Variants in PHF14 observed in about 807,000 individuals in gnomAD.
PHF14 encodes PHD finger protein 14.
Under a neutral mutation model 117.9 loss-of-function variants are expected in PHF14, and 55 were observed. That is an observed-to-expected ratio of 0.47 (90% CI 0.38 to 0.58). PHF14 has a LOEUF of 0.58. Among genes scored for constraint, PHF14 ranks in the 20% least tolerant of loss-of-function variants. PHF14 has a pLI of 0.00. For synonymous variants in PHF14, 409 were observed against 368.6 expected (o/e 1.11, Z -1.26); for missense variants, 978 against 1,122.2 (o/e 0.87, Z 1.84).
intron 16 of PHF14, among the ~76,000 whole-genome samples, chr7:11,086,581 C>T (rs1011458341): frequency 2.6e-5 from 4 of 151,976 alleles, no homozygotes; most frequent in African/African-American, 7.3e-5. Context: ...ATTCCAGGTC[C>T]GAAGCCAATG....
intron 2 of PHF14, among the ~76,000 whole-genome samples, chr7:10,977,082 T>C (rs1007649420): frequency 1.2e-4 from 18 of 152,112 alleles, no homozygotes; most frequent in African/African-American, 4.1e-4. Flanking sequence ...TAGATTACCA[T>C]TGTTTTCCAT....
At chr7:11,119,298 G>A (rs1414536226) in intron 17 of PHF14, among the ~76,000 whole-genome samples, 2 of 151,642 alleles carry the variant, frequency 1.3e-5, no homozygotes, top group African/African-American at 2.4e-5. Flanking sequence ...TAAGATAAAG[G>A]ACATTTTATT....
At chr7:11,047,586 A>C (rs1784712588) in intron 13 of PHF14, among the ~76,000 whole-genome samples, 1 of 150,470 alleles carries the variant, frequency 6.6e-6, no homozygotes, top group South Asian at 2.1e-4. Context: ...ACTTGAGGTC[A>C]GGAGTTCAAG....
intron 7 of PHF14, among the ~76,000 whole-genome samples, chr7:11,029,124 T>A (rs1431100928): frequency 6.6e-6 from 1 of 151,886 alleles, no homozygotes; most frequent in Non-Finnish European, 1.5e-5. Flanking sequence ...TAAAAAAAAA[T>A]AGCATATTTT....
At chr7:11,039,360 T>C (rs948403910) in intron 11 of PHF14, among the ~76,000 whole-genome samples, 2 of 152,176 alleles carry the variant, frequency 1.3e-5, no homozygotes, top group African/African-American at 4.8e-5. Context: ...AATGTTAAAA[T>C]GTATTTTTCC....
chr7:11,036,923 GT>G lies in PHF14; in HGVS notation c.1874-59del. The G allele has an allele frequency of 3.5e-6, 4 of 1,137,752 alleles. No individual in the cohort carries two copies. The East Asian group carries it at 1.0e-4, about 29-fold the overall frequency. The allele number at this position is 1,137,752 out of a possible 1,614,324, so 70.5% of individuals were successfully genotyped here. ...ATCAATGTGATCATCTTTATAGCTA[GT>G]TTCTTCCTATGTCAGTTTTTACTTC... On this transcript the variant is annotated intron_variant, in intron 9 of 17. Coordinates refer to ENST00000634607, the MANE Select transcript of PHF14 (RefSeq NM_001007157.2).
intron 17 of PHF14, among the ~76,000 whole-genome samples, chr7:11,138,720 A>G (rs1788316935): frequency 6.6e-6 from 1 of 152,238 alleles, no homozygotes; most frequent in Non-Finnish European, 1.5e-5. Context: ...GTGAGAGATA[A>G]GTGCTCAAAG....
chr7:11,017,759 TA>T (rs147186150), intron 5 of PHF14, among the ~76,000 whole-genome samples: 3,917 of 152,166 alleles, frequency 0.026, 133 homozygotes, highest in East Asian at 0.1. Flanking sequence ...TCCTGCTTTT[TA>T]AAAAAACCTG....
At chr7:11,020,298 C>T (rs1040417836) in intron 5 of PHF14, among the ~76,000 whole-genome samples, 2 of 152,138 alleles carry the variant, frequency 1.3e-5, no homozygotes, top group African/African-American at 2.4e-5. Context: ...ACCTGTTGCC[C>T]AGGCTGGTCT....
chr7:11,041,920 A>G (rs1414060840), intron 12 of PHF14, among the ~76,000 whole-genome samples: 5 of 151,160 alleles, frequency 3.3e-5, no homozygotes, highest in Non-Finnish European at 3.0e-5. Flanking sequence ...CCTAACCATC[A>G]TTGCTTTCTG....
intron 14 of PHF14, among the ~76,000 whole-genome samples, chr7:11,054,106 T>C (rs555319143): frequency 6.6e-6 from 1 of 152,216 alleles, no homozygotes; most frequent in South Asian, 2.1e-4. Context: ...AAAAAGCATT[T>C]TTTAAGACAC....
At chr7:11,015,992 G>A (rs1387208082) in intron 5 of PHF14, among the ~76,000 whole-genome samples, 1 of 152,068 alleles carries the variant, frequency 6.6e-6, no homozygotes, top group Admixed American at 6.6e-5. Flanking sequence ...TTAGGACACT[G>A]TCAAGTAGTG....
In PHF14 at chr7:11,063,486, A is replaced by AGGGT. The variant is rs997193412; in HGVS notation, c.2654+1404_2654+1407dup. 47 of 982,502 alleles carry AGGGT rather than the reference A, an allele frequency of 4.8e-5. No homozygotes were observed. The African/African-American group carries it at 7.9e-4, about 16-fold the overall frequency. The allele number at this position is 982,502 out of a possible 1,614,324, so 60.9% of individuals were successfully genotyped here. A position where few individuals can be genotyped will look rare whatever the true frequency, so the allele number is the denominator to read the frequency against. On this transcript the variant is annotated intron_variant, in intron 16 of 17. Transcript: ENST00000634607. ...ATTCAGGAAAATTCCCTTGGGGTTG[A>AGGGT]GGGTGGAGTTGAGGACTATGATTTT...
At chr7:11,027,363 C>T (rs1783957168) in intron 6 of PHF14, among the ~76,000 whole-genome samples, 1 of 151,984 alleles carries the variant, frequency 6.6e-6, no homozygotes, top group Admixed American at 6.6e-5. Flanking sequence ...TTAAGTTTTC[C>T]TTGTATTTGT....
At chr7:11,048,146 G>T (rs1212877419) in intron 13 of PHF14, among the ~76,000 whole-genome samples, 1 of 152,050 alleles carries the variant, frequency 6.6e-6, no homozygotes, top group Non-Finnish European at 1.5e-5. Flanking sequence ...CTCATACAGT[G>T]TGCTAAGTAA....
intron 9 of PHF14, 123 bp from the exon 10 acceptor site, chr7:11,036,862 G>A (rs542476429): frequency 1.9e-5 from 18 of 935,924 alleles, no homozygotes; most frequent in Non-Finnish European, 2.6e-5. Context: ...TCATTTATTT[G>A]TAAATATACT....
Position 10,982,716 on chromosome 7 carries a change from C to T in PHF14, c.457C>T (p.Pro153Ser), listed in dbSNP as rs1343469296. The part of the protein sequence containing the change: ...NVAASAAATT[P>S]ATSPPAVNTS... The stretch of plus-strand genomic sequence containing the variant: ...GGCTGCTTCTGCTGCTGCCACCACA[C>T]CAGCCACAAGTCCTCCTGCTGTTAA... Residue 153 changes from proline to serine, a missense_variant, in exon 3 of 18, where the codon CCA becomes TCA. Pro to Ser is a moderately conservative substitution (Grantham distance 74). This residue lies in a region of PHF14 where 414 missense variants were observed against 376.4 expected (regional missense o/e 1.10). Transcript: ENST00000634607. 1.2e-6 allele frequency: 2 copies of T among 1,612,048 alleles called. No homozygotes were observed. Among genetic ancestry groups the T allele is most frequent in the African/African-American group, 1.3e-5 (1 of 74,888 alleles).
intron 4 of PHF14, among the ~76,000 whole-genome samples, chr7:10,994,813 CA>C (rs1392297965): frequency 6.6e-6 from 1 of 152,136 alleles, no homozygotes; most frequent in Non-Finnish European, 1.5e-5. Context: ...GTGAGTGTTA[CA>C]GCTCATAAAG....
At chr7:11,088,418 G>GCACACA (rs150354024) in intron 16 of PHF14, among the ~76,000 whole-genome samples, 3 of 150,564 alleles carry the variant, frequency 2.0e-5, no homozygotes, top group African/African-American at 4.9e-5. Flanking sequence ...ACACACACAC[G>GCACACA]CACACACACA....
Sources: allele counts gnomAD v4.1 joint callset (sites outside exome capture counted in the v4.1 genomes callset), GRCh38; gene constraint gnomAD v4.1.1; regional missense constraint gnomAD v4.1.1; transcripts MANE v1.5; gene names NCBI Gene and HGNC (gene_info 2026-07-23, HGNC 2026-07-21).